Variants in ARHGEF3 observed in about 807,000 individuals in gnomAD.
ARHGEF3 encodes Rho guanine nucleotide exchange factor 3.
Under a neutral mutation model 63.2 loss-of-function variants are expected in ARHGEF3, and 28 were observed. The observed-to-expected ratio is 0.44, with a 90% CI of 0.33 to 0.61. The LOEUF (loss-of-function observed/expected upper bound fraction) is 0.61. Ranked by LOEUF, ARHGEF3 falls within the 20% of genes least tolerant of loss-of-function variation. The pLI, the probability that ARHGEF3 is intolerant of heterozygous loss-of-function variation, is 0.03. For synonymous variants in ARHGEF3, 266 were observed against 254.2 expected, an observed-to-expected ratio of 1.05 and a Z score of -0.44; for missense variants, 533 against 659.3, an observed-to-expected ratio of 0.81 and a Z score of 2.10.
chr3:56,832,947 T>C (rs1224978069), intron 4 of ARHGEF3, among the ~76,000 whole-genome samples: 2 of 152,254 alleles, frequency 1.3e-5, no homozygotes, highest in African/African-American at 4.8e-5. Flanking sequence ...TGTTGTAGCA[T>C]GCATCAGTAT....
intron 1 of ARHGEF3, among the ~76,000 whole-genome samples, chr3:57,044,650 T>A (rs1579158132): frequency 1.3e-5 from 2 of 152,180 alleles, no homozygotes. Flanking sequence ...TACAAGCTGG[T>A]ACTGTGGGCA....
intron 2 of ARHGEF3, among the ~76,000 whole-genome samples, chr3:57,013,964 C>T (rs542955844): frequency 2.6e-5 from 4 of 152,172 alleles, no homozygotes; most frequent in East Asian, 1.9e-4. Context: ...AAGTTTTGTT[C>T]CTCTGCTCTT....
intron 4 of ARHGEF3, among the ~76,000 whole-genome samples, chr3:56,822,848 T>TG (rs1553761950): frequency 9.2e-5 from 1 of 10,844 alleles, no homozygotes; most frequent in Non-Finnish European, 2.4e-4. Context: ...AGTAAGACTC[T>TG]GAAAAAAAAA....
intron 4 of ARHGEF3, among the ~76,000 whole-genome samples, chr3:56,826,225 G>A (rs1454178410): frequency 6.6e-6 from 1 of 152,098 alleles, no homozygotes; most frequent in Non-Finnish European, 1.5e-5. Context: ...CATGCCTGAA[G>A]GTTTGACTGT....
intron 3 of ARHGEF3, among the ~76,000 whole-genome samples, chr3:56,931,516 C>T (rs981093968): frequency 3.1e-5 from 4 of 127,648 alleles, no homozygotes; most frequent in African/African-American, 1.2e-4. Flanking sequence ...GTCAAGGCTG[C>T]AGTGAGCCAT....
At chr3:56,770,087 C>T (rs924081198) in intron 2 of ARHGEF3, among the ~76,000 whole-genome samples, 1 of 152,174 alleles carries the variant, frequency 6.6e-6, no homozygotes, top group Admixed American at 6.5e-5. Context: ...GCCAGCTCTT[C>T]CCCCTCATCC....
chr3:57,017,063 C>T (rs1560137158), intron 2 of ARHGEF3, among the ~76,000 whole-genome samples: 1 of 149,846 alleles, frequency 6.7e-6, no homozygotes, highest in African/African-American at 2.4e-5. Context: ...CACACACACA[C>T]ACGAGTCACC....
intron 3 of ARHGEF3, among the ~76,000 whole-genome samples, chr3:56,899,047 C>G (rs550332759): frequency 6.6e-6 from 1 of 152,090 alleles, no homozygotes; most frequent in Non-Finnish European, 1.5e-5. Context: ...AAAGAGACTC[C>G]GTCCCAAAAA....
intron 2 of ARHGEF3, among the ~76,000 whole-genome samples, chr3:57,022,853 C>T (rs1703317074): frequency 6.6e-6 from 1 of 152,182 alleles, no homozygotes; most frequent in African/African-American, 2.4e-5. Flanking sequence ...CTGTACTGAC[C>T]TGAATGCCAT....
intron 4 of ARHGEF3, 45 bp from the exon 5 acceptor site, chr3:56,751,441 A>G: frequency 6.6e-7 from 1 of 1,526,492 alleles, no homozygotes. Flanking sequence ...TTAAAATCAG[A>G]GGAAGTACAT....
intron 1 of ARHGEF3, among the ~76,000 whole-genome samples, chr3:57,058,089 A>G (rs1450713481): frequency 2.6e-5 from 4 of 152,202 alleles, no homozygotes; most frequent in Non-Finnish European, 5.9e-5. Flanking sequence ...AGCCGACTGT[A>G]AAGGAAGGGA....
chr3:56,995,655 GA>G (rs1276641712), intron 2 of ARHGEF3, among the ~76,000 whole-genome samples: 4 of 124,764 alleles, frequency 3.2e-5, no homozygotes, highest in Non-Finnish European at 7.0e-5. Flanking sequence ...GAGAGAGAGA[GA>G]GAGAGAGAGA....
intron 1 of ARHGEF3, among the ~76,000 whole-genome samples, chr3:57,055,845 C>T (rs981122483): frequency 3.9e-5 from 6 of 152,172 alleles, no homozygotes; most frequent in African/African-American, 1.4e-4. Context: ...CACAAACTTC[C>T]ACCTTATATA....
chr3:57,072,443 T>TAA (rs35145725), intron 1 of ARHGEF3, among the ~76,000 whole-genome samples: 63 of 144,816 alleles, frequency 4.4e-4, no homozygotes, highest in East Asian at 8.2e-4. Context: ...AATAAAGAAT[T>TAA]AAAAAAAAAA....
At chr3:57,051,443 C>T (rs1010427853) in intron 1 of ARHGEF3, among the ~76,000 whole-genome samples, 4 of 151,742 alleles carry the variant, frequency 2.6e-5, no homozygotes, top group Non-Finnish European at 4.4e-5. Flanking sequence ...GCCAAGATTG[C>T]GCCACTGCAT....
chr3:56,970,728 C>T (rs903201699), intron 2 of ARHGEF3, among the ~76,000 whole-genome samples: 2 of 152,210 alleles, frequency 1.3e-5, no homozygotes, highest in African/African-American at 2.4e-5. Flanking sequence ...ACTTTTCATG[C>T]GTGCAATCTC....
chr3:56,805,186 G>A (rs1326577577), upstream of ARHGEF3, among the ~76,000 whole-genome samples: 2 of 152,204 alleles, frequency 1.3e-5, no homozygotes, highest in African/African-American at 4.8e-5. Flanking sequence ...CAAGCAGGGA[G>A]TCTGACATAC....
At chr3:57,038,984 T>C (rs1445861461) in intron 1 of ARHGEF3, among the ~76,000 whole-genome samples, 1 of 152,184 alleles carries the variant, frequency 6.6e-6, no homozygotes, top group Non-Finnish European at 1.5e-5. Flanking sequence ...CACCACATAA[T>C]ACCCACCACA....
At chr3:57,017,967 C>T (rs781388393) in intron 2 of ARHGEF3, among the ~76,000 whole-genome samples, 2 of 152,172 alleles carry the variant, frequency 1.3e-5, no homozygotes, top group Non-Finnish European at 2.9e-5. Context: ...GCTGTGAAAA[C>T]CAAGGCAAAA....
Sources: gnomAD v4.1 joint callset for allele counts (sites outside exome capture counted in the v4.1 genomes callset) on GRCh38, gnomAD v4.1.1 for gene constraint, MANE v1.5 for transcripts, NCBI Gene and HGNC (gene_info 2026-07-23, HGNC 2026-07-21) for gene names.